Variants in ZNF283 observed in about 807,000 individuals in gnomAD.
ZNF283 encodes the protein zinc finger protein 283, also known as zinc finger protein 41.
A neutral mutation model predicts 9.2 loss-of-function variants in ZNF283; 10 were observed. The ratio of observed to expected loss-of-function variants is 1.09; its 90% confidence interval spans 0.67 to 1.85. The LOEUF is 1.85. Among genes scored for constraint, ZNF283 ranks in the 40% most tolerant of loss-of-function variants. The probability of loss-of-function intolerance (pLI) is 0.00; values close to 1 mark genes in which losing one functional copy is unlikely to be tolerated. For missense variants in ZNF283, 631 were observed against 760.1 expected (o/e 0.83, Z 2.00); for synonymous variants, 234 against 244.1 (o/e 0.96, Z 0.38).
chr19:43,843,877 T>C (rs1971308543), intron 6 of ZNF283, among the ~76,000 whole-genome samples: 1 of 152,190 alleles, frequency 6.6e-6, no homozygotes, highest in South Asian at 2.1e-4. Flanking sequence ...TCCACAGTTA[T>C]CTGCATGGAC....
chr19:43,849,374 GAGACAA>G lies in ZNF283; in HGVS notation c.*734_*739del. 1.3e-5 allele frequency: 2 copies of G among 152,240 alleles called. No homozygotes were observed. The highest frequency in any genetic ancestry group is 3.4e-3 in the Middle Eastern group (1 of 294). 9.4% of individuals were successfully genotyped at this position (152,240 alleles called of 1,614,324 possible). A position where few individuals can be genotyped will look rare whatever the true frequency, so the allele number is the denominator to read the frequency against. On this transcript the variant is annotated 3_prime_UTR_variant, in exon 7 of 7. Transcript: ENST00000618787. Reference sequence around the variant, plus strand: ...GTTTGTTCTTTCCCAGAAATAATTTGAGACAAGACTCACACTTTTCAAGACATGAGA... The same window carrying G: ...GTTTGTTCTTTCCCAGAAATAATTTGGACTCACACTTTTCAAGACATGAGA...
chr19:43,843,186 C>A (rs1318279760), intron 6 of ZNF283, among the ~76,000 whole-genome samples: 1 of 152,114 alleles, frequency 6.6e-6, no homozygotes, highest in African/African-American at 2.4e-5. Context: ...ACTAAAAATA[C>A]AAAAATTAGC....
intron 6 of ZNF283, among the ~76,000 whole-genome samples, chr19:43,846,461 C>T (rs975975224): frequency 2.0e-4 from 30 of 152,266 alleles, no homozygotes; most frequent in Admixed American, 1.6e-3. Flanking sequence ...TGTATTGGAA[C>T]ATAGTCTTGC....
At chr19:43,845,224 T>A (rs1243634614) in intron 6 of ZNF283, among the ~76,000 whole-genome samples, 1 of 152,144 alleles carries the variant, frequency 6.6e-6, no homozygotes, top group African/African-American at 2.4e-5. Context: ...AAAAACACAG[T>A]CATAGTAGTT....
intron 6 of ZNF283, chr19:43,837,633 T>G (rs1568417787): frequency 5.6e-6 from 1 of 179,044 alleles, no homozygotes; most frequent in Non-Finnish European, 1.2e-5. Context: ...TAAGTAAATT[T>G]ATAAATAGAT....
At chr19:43,834,686 C>T (rs183946868) in intron 4 of ZNF283, among the ~76,000 whole-genome samples, 262 of 152,178 alleles carry the variant, frequency 1.7e-3, no homozygotes, top group African/African-American at 6.0e-3. Flanking sequence ...AGCTCTGCCT[C>T]CCGGGTTCAC....
chr19:43,831,423 G>A (rs761304045), intron 3 of ZNF283, 42 bp downstream of exon 3: 2 of 1,533,832 alleles, frequency 1.3e-6, no homozygotes, highest in Non-Finnish European at 1.8e-6. Flanking sequence ...TTCAGTGTTG[G>A]CCCCGTTTGT....
At chr19:43,830,159 T>C (rs184195687) in intron 2 of ZNF283, among the ~76,000 whole-genome samples, 1 of 152,286 alleles carries the variant, frequency 6.6e-6, no homozygotes, top group African/African-American at 2.4e-5. Flanking sequence ...ACTGTAGCCT[T>C]GGCCTCCTAG....
At position 43,848,175 on chromosome 19, in the gene ZNF283, AT is replaced by A; in HGVS notation, c.1576del (p.Cys526ValfsTer61). ...TGTAAGGAATGTGGGAAGGCTTTTA[AT>A]TGTGGATCAAGCCTTGTTCAACATG... Reference protein sequence around the residue: ...YECKECGKAFNCGSSLVQHER... With the variant: ...YECKECGKAFXCGSSLVQHER... On this transcript the variant is annotated frameshift_variant, in exon 7 of 7. Coordinates refer to ENST00000618787, the MANE Select transcript of ZNF283 (RefSeq NM_181845.2). LOFTEE classifies it low-confidence loss of function (END_TRUNC). 1.2e-6 allele frequency: 2 copies of A among 1,612,284 alleles called. No homozygotes were observed. The highest frequency in any genetic ancestry group is 8.5e-7 in the Non-Finnish European group (1 of 1,179,428).
In ZNF283 at chr19:43,847,093, C is replaced by A; in HGVS notation, c.492C>A (p.Phe164Leu). The A allele has an allele frequency of 6.2e-7, 1 of 1,613,094 alleles. No homozygotes were observed. The change falls in exon 7 of 7, where the codon TTC becomes TTA. Residue 164 changes from phenylalanine to leucine, a missense_variant. This residue lies in a region of ZNF283 where 184 missense variants were observed against 220.0 expected (regional missense o/e 0.84). Transcript: ENST00000618787. ...ATAATTGGAAGTGCAAAAGCATATT[C>A]GAGGGACTAAAAGGACATCAAGAGG... ...FRNNWKCKSI[F>L]EGLKGHQEGY...
At position 43,839,692 on chromosome 19, in the gene ZNF283, G is replaced by A. The variant is rs576839674; in HGVS notation, c.337+2513G>A. 1.1e-4 allele frequency among the ~76,000 whole-genome samples: 16 copies of A among 152,156 alleles called. No individual in the cohort carries two copies. The East Asian group carries it at 3.1e-3, about 29-fold the overall frequency. On this transcript the variant is annotated intron_variant, in intron 6 of 6. Transcript: ENST00000618787. ...CAAATGACTCATTTTCAAGTTTGCT[G>A]AGTCTTTCTTCTGCTGAATCCACTA...
At chr19:43,845,641 G>A (rs983408201) in intron 6 of ZNF283, among the ~76,000 whole-genome samples, 2 of 151,992 alleles carry the variant, frequency 1.3e-5, no homozygotes, top group Non-Finnish European at 2.9e-5. Context: ...ACAGAAGTGT[G>A]GCAAAATTAT....
Position 43,837,137 on chromosome 19 carries a change from G to T in ZNF283, c.295G>T (p.Val99Leu), listed in dbSNP as rs770377766. ...CLDPAQRDLY[V>L]DVMLENYSNL... Reference sequence around the variant, plus strand: ...GGACCCTGCTCAGAGGGACTTGTACGTGGATGTAATGTTGGAGAACTATAG... The same window carrying T: ...GGACCCTGCTCAGAGGGACTTGTACTTGGATGTAATGTTGGAGAACTATAG... The change falls in exon 6 of 7, where the codon GTG (valine) becomes TTG (leucine). Residue 99 changes from valine (V) to leucine (L), a missense_variant. Coordinates refer to ENST00000618787, the MANE Select transcript of ZNF283 (RefSeq NM_181845.2). 1 of 1,613,356 alleles carries T rather than the reference G, an allele frequency of 6.2e-7. No individual in the cohort carries two copies. The highest frequency in any genetic ancestry group is 8.5e-7 in the Non-Finnish European group (1 of 1,179,698).
Position 43,835,555 on chromosome 19 carries a change from C to T in ZNF283, c.173C>T (p.Ala58Val). 6.2e-7 allele frequency: 1 copy of T among 1,610,966 alleles called. No homozygotes were observed. ...TCACCAATAGAGGAATCCCATGGAG[C>T]ATTAATTAGTTCTTGCAATTCCAGA... ...CASPIEESHG[A>V]LISSCNSRTM... Residue 58 changes from alanine to valine, a missense_variant, in exon 5 of 7, where the codon GCA becomes GTA. Physicochemically the swap from Ala to Val is moderately conservative, Grantham distance 64. This residue lies in a region of ZNF283 where 184 missense variants were observed against 220.0 expected (regional missense o/e 0.84). Coordinates refer to ENST00000618787, the MANE Select transcript of ZNF283 (RefSeq NM_181845.2).
At chr19:43,839,496 A>G (rs1327041373) in intron 6 of ZNF283, among the ~76,000 whole-genome samples, 1 of 151,880 alleles carries the variant, frequency 6.6e-6, no homozygotes, top group East Asian at 1.9e-4. Context: ...AGATTTTGGA[A>G]GTTTTCAGAC....
intron 2 of ZNF283, among the ~76,000 whole-genome samples, chr19:43,829,730 T>TA (rs1970619205): frequency 1.3e-5 from 2 of 151,786 alleles, no homozygotes; most frequent in East Asian, 3.9e-4. Flanking sequence ...GCAAATTAAC[T>TA]AAAAAAGTGG....
intron 3 of ZNF283, among the ~76,000 whole-genome samples, chr19:43,832,959 T>C (rs967480316): frequency 1.3e-5 from 2 of 149,942 alleles, no homozygotes; most frequent in Admixed American, 6.7e-5. Flanking sequence ...GCCCAGGAGG[T>C]TGAGGCTGCA....
At chr19:43,829,061 T>C (rs991255934) in intron 2 of ZNF283, among the ~76,000 whole-genome samples, 2 of 152,294 alleles carry the variant, frequency 1.3e-5, no homozygotes, top group South Asian at 4.1e-4. Flanking sequence ...TTCTGTGGCA[T>C]GTAAGAAGCC....
chr19:43,839,932 T>C (rs1219191599), intron 6 of ZNF283, among the ~76,000 whole-genome samples: 3 of 152,220 alleles, frequency 2.0e-5, no homozygotes, highest in African/African-American at 7.2e-5. Flanking sequence ...CAGATTCTTT[T>C]TTTTCCTTTG....
Sources: allele counts gnomAD v4.1 joint callset (sites outside exome capture counted in the v4.1 genomes callset), GRCh38; gene constraint gnomAD v4.1.1; regional missense constraint gnomAD v4.1.1; transcripts MANE v1.5; gene names NCBI Gene and HGNC (gene_info 2026-07-23, HGNC 2026-07-21).